Variants in PSMC1 observed in about 807,000 individuals in gnomAD.
PSMC1 encodes the protein 26S proteasome regulatory subunit 4.
In PSMC1, 5 loss-of-function variants were observed where a neutral mutation model predicts 49.8. The ratio of observed to expected loss-of-function variants is 0.10; its 90% CI spans 0.05 to 0.21. The LOEUF is 0.21. PSMC1 is among the 10% of genes least tolerant of loss of function. PSMC1 has a pLI of 1.00. For synonymous variants in PSMC1, 155 were observed against 192.1 expected (o/e 0.81, Z 1.60); for missense variants, 181 against 535.7 (o/e 0.34, Z 6.54).
chr14:90,270,283 G>A lies in PSMC1; in HGVS notation c.1119G>A (p.Thr373=), dbSNP rs367830385. 9 of 1,613,570 alleles carry A rather than the reference G, an allele frequency of 5.6e-6. No individual in the cohort carries two copies. Among genetic ancestry groups the A allele is most frequent in the African/African-American group, 1.3e-5 (1 of 74,810 alleles). ...RIFQIHTSRM[T]LADDVTLDDL... The stretch of plus-strand genomic sequence containing the variant: ...TTCAGATTCACACAAGCAGGATGAC[G>A]CTGGCTGATGATGTAACCCTGGACG... The change falls in exon 10 of 11, where the codon ACG becomes ACA. Residue 373 remains threonine, a synonymous_variant. Transcript: ENST00000261303.
chr14:90,257,289 T>C (rs1891313201), intron 1 of PSMC1, among the ~76,000 whole-genome samples: 1 of 152,198 alleles, frequency 6.6e-6, no homozygotes, highest in African/African-American at 2.4e-5. Context: ...TCATAGTGCG[T>C]ACATTCTAGA....
At chr14:90,271,111 C>G (rs944460587) in intron 10 of PSMC1, 5 of 152,178 alleles carry the variant, frequency 3.3e-5, no homozygotes, top group African/African-American at 1.2e-4. Context: ...AAAAAAGTTG[C>G]AACAATAGCA....
intron 3 of PSMC1, among the ~76,000 whole-genome samples, chr14:90,261,408 A>G (rs1172751979): frequency 6.6e-6 from 1 of 152,250 alleles, no homozygotes; most frequent in Non-Finnish European, 1.5e-5. Context: ...GGTCTACCAT[A>G]ATGAATTGGT....
intron 7 of PSMC1, among the ~76,000 whole-genome samples, chr14:90,265,944 T>C (rs182680435): frequency 2.6e-4 from 40 of 151,928 alleles, no homozygotes; most frequent in African/African-American, 7.7e-4. Context: ...CTAGGAGCCA[T>C]AGTGGAGAAG....
At chr14:90,268,698 T>G in intron 8 of PSMC1, 1 of 313,064 alleles carries the variant, frequency 3.2e-6, no homozygotes. Flanking sequence ...CACAAGTCTC[T>G]GCCCTGGAGG....
chr14:90,264,496 T>C (rs1216658968), intron 6 of PSMC1, among the ~76,000 whole-genome samples: 2 of 152,232 alleles, frequency 1.3e-5, no homozygotes, highest in Admixed American at 1.3e-4. Context: ...TTTGTGGAGA[T>C]AGCATGTGTA....
chr14:90,270,586 T>C, intron 10 of PSMC1: 1 of 437,644 alleles, frequency 2.3e-6, no homozygotes, highest in South Asian at 4.4e-5. Flanking sequence ...CAAGGCTGAG[T>C]CGCTGGTACT....
intron 8 of PSMC1, chr14:90,269,136 G>T (rs755146178): frequency 1.1e-4 from 46 of 419,002 alleles, no homozygotes; most frequent in Non-Finnish European, 1.8e-4. Flanking sequence ...TCTGCCTCAT[G>T]CCTTTAGCCC....
rs567100511 is a variant in PSMC1 at position 90,260,220 on chromosome 14, A to C, written c.154+9A>C. On this transcript the variant is annotated intron_variant, in intron 3 of 10. Coordinates refer to ENST00000261303, the MANE Select transcript of PSMC1 (RefSeq NM_002802.3). ...CAGCAAACTGCCACTGGGTAATGAC[A>C]TGGCTTCTCCTTGCCATCTTTCCAG... 6.3e-7 allele frequency: 1 copy of C among 1,580,128 alleles called. No individual in the cohort carries two copies. The highest frequency in any genetic ancestry group is 8.7e-7 in the Non-Finnish European group (1 of 1,153,668).
At chr14:90,265,577 T>C (rs949210067) in intron 7 of PSMC1, among the ~76,000 whole-genome samples, 6 of 151,152 alleles carry the variant, frequency 4.0e-5, no homozygotes, top group Non-Finnish European at 7.4e-5. Flanking sequence ...TAGTCCCGGC[T>C]ACTCGGGAGG....
intron 3 of PSMC1, 99 bp from the exon 4 acceptor site, chr14:90,263,219 T>C (rs1891434690): frequency 7.8e-7 from 1 of 1,274,938 alleles, no homozygotes; most frequent in Non-Finnish European, 1.1e-6. Flanking sequence ...TCTGAAGCTA[T>C]CGCCAACAAA....
chr14:90,265,343 GAA>G (rs34260220), intron 7 of PSMC1, among the ~76,000 whole-genome samples, 177 bp downstream of exon 7: 25 of 126,844 alleles, frequency 2.0e-4, no homozygotes, highest in African/African-American at 3.4e-4. Context: ...AATACTGATG[GAA>G]AAAAAAAAAA....
At chr14:90,266,237 A>G (rs1041768251) in intron 7 of PSMC1, among the ~76,000 whole-genome samples, 8 of 151,842 alleles carry the variant, frequency 5.3e-5, no homozygotes, top group Admixed American at 5.2e-4. Flanking sequence ...CCTGGGTGAC[A>G]GAGCGAGACC....
At chr14:90,259,245 G>A (rs1212180251) in intron 2 of PSMC1, 32 bp downstream of exon 2, 1 of 1,603,850 alleles carries the variant, frequency 6.2e-7, no homozygotes, top group Admixed American at 1.7e-5. Flanking sequence ...TGTGATATGA[G>A]CAAATTGTGG....
At chr14:90,268,530 G>GAAGGCCACGCA in intron 8 of PSMC1, 117 bp downstream of exon 8, 2 of 974,872 alleles carry the variant, frequency 2.1e-6, no homozygotes, top group Non-Finnish European at 3.1e-6. Context: ...GCTGTGCGTG[G>GAAGGCCACGCA]CCTTCCATGC....
At chr14:90,264,878 C>T (rs1347787246) in intron 6 of PSMC1, among the ~76,000 whole-genome samples, 192 bp from the exon 7 acceptor site, 9 of 152,092 alleles carry the variant, frequency 5.9e-5, no homozygotes, top group African/African-American at 1.7e-4. Flanking sequence ...GGAACGGGTG[C>T]GGGGAACTCA....
At position 90,270,347 on chromosome 14, in the gene PSMC1, A is replaced by G. The variant is rs776027100; in HGVS notation, c.1183A>G (p.Ile395Val). ...MAKDDLSGADIKAICTEAGLM... is the reference protein window; with the variant it reads ...MAKDDLSGADVKAICTEAGLM... The stretch of plus-strand genomic sequence containing the variant: ...TAAAGATGACCTCTCTGGTGCTGAC[A>G]TCAAGGTGAGAGCCTAGCCGTGTCA... Residue 395 changes from isoleucine to valine, a missense_variant, in exon 10 of 11, where the codon ATC becomes GTC. This residue lies in a region of PSMC1 where 60 missense variants were observed against 155.5 expected (regional missense o/e 0.39). Transcript: ENST00000261303. The G allele has an allele frequency of 3.7e-6, 6 of 1,612,850 alleles. No homozygotes were observed. The highest frequency in any genetic ancestry group is 3.3e-4 in the Middle Eastern group (2 of 6,058).
intron 3 of PSMC1, among the ~76,000 whole-genome samples, chr14:90,261,848 C>T (rs917146338): frequency 2.7e-5 from 4 of 149,652 alleles, no homozygotes; most frequent in African/African-American, 7.3e-5. Context: ...AAGACCCATG[C>T]ACATGTATGT....
At chr14:90,269,304 A>T in intron 8 of PSMC1, 93 bp from the exon 9 acceptor site, 1 of 1,101,144 alleles carries the variant, frequency 9.1e-7, no homozygotes, top group Non-Finnish European at 1.3e-6. Context: ...AATGTTTGTT[A>T]AGGTGTTTTG....
Sources: allele counts gnomAD v4.1 joint callset (sites outside exome capture counted in the v4.1 genomes callset), GRCh38; gene constraint gnomAD v4.1.1; regional missense constraint gnomAD v4.1.1; transcripts MANE v1.5; gene names NCBI Gene and HGNC (gene_info 2026-07-23, HGNC 2026-07-21).